MYO9A: variants seen among roughly 807,000 people sequenced by gnomAD.
MYO9A encodes the protein unconventional myosin-IXa.
Under a neutral mutation model 293.3 loss-of-function variants are expected in MYO9A, and 103 were observed. The ratio of observed to expected loss-of-function variants is 0.35; its 90% CI spans 0.30 to 0.41. The LOEUF (loss-of-function observed/expected upper bound fraction) is 0.41, where lower values mean the gene tolerates loss of function less well. Among genes scored for constraint, MYO9A ranks in the 10% least tolerant of loss-of-function variants. The probability of loss-of-function intolerance (pLI) is 1.00; values close to 1 mark genes in which losing one functional copy is unlikely to be tolerated. For synonymous variants in MYO9A, 1,001 were observed against 1,035.7 expected (o/e 0.97, Z 0.64); for missense variants, 2,685 against 3,033.0 (o/e 0.89, Z 2.69).
chr15:71,887,375 G>C (rs1193963911), intron 27 of MYO9A, among the ~76,000 whole-genome samples: 1 of 152,078 alleles, frequency 6.6e-6, no homozygotes, highest in East Asian at 1.9e-4. Flanking sequence ...ATGCAGAAAA[G>C]CTCTCTACCC....
At chr15:71,850,301 A>C (rs191096814) in intron 37 of MYO9A, 134 bp from the exon 38 acceptor site, 1 of 1,029,382 alleles carries the variant, frequency 9.7e-7, no homozygotes, top group Non-Finnish European at 1.4e-6. Flanking sequence ...ATATCCATTA[A>C]GTTTAAGGGT....
At chr15:71,984,544 G>A (rs888954682) in intron 11 of MYO9A, among the ~76,000 whole-genome samples, 72 of 152,050 alleles carry the variant, frequency 4.7e-4, no homozygotes, top group African/African-American at 1.6e-3. Context: ...CTTATTCTAC[G>A]TCTCTCATAC....
Position 71,851,172 on chromosome 15 carries a change from T to C in MYO9A, c.6581+81A>G. The C allele has an allele frequency of 4.5e-6, 5 of 1,121,938 alleles. No individual in the cohort carries two copies. The East Asian group carries it at 9.7e-5, about 22-fold the overall frequency. The allele number at this position is 1,121,938 out of a possible 1,614,324, so 69.5% of individuals were successfully genotyped here. ...AGAAAAAATAAATACCTGTCAGTCT[T>C]CCAAATGGAGAAATTCCTTATCTAT... On this transcript the variant is annotated intron_variant, in intron 37 of 41. Coordinates refer to ENST00000356056, the MANE Select transcript of MYO9A (RefSeq NM_006901.4).
intron 39 of MYO9A, among the ~76,000 whole-genome samples, chr15:71,839,815 CTTTA>C (rs1316871494): frequency 2.0e-5 from 3 of 152,064 alleles, no homozygotes; most frequent in Non-Finnish European, 4.4e-5. Context: ...CATTATAATC[CTTTA>C]TTTTTCTCTT....
chr15:71,835,300 A>G (rs1434102186), intron 39 of MYO9A, among the ~76,000 whole-genome samples: 2 of 152,164 alleles, frequency 1.3e-5, no homozygotes, highest in African/African-American at 4.8e-5. Flanking sequence ...TCTAACTTAC[A>G]TAAGAAAAAG....
At chr15:72,023,064 ACGCTATCT>A (rs1249695325) in intron 4 of MYO9A, among the ~76,000 whole-genome samples, 5 of 152,324 alleles carry the variant, frequency 3.3e-5, no homozygotes, top group Non-Finnish European at 7.3e-5. Context: ...AACTATGAGA[ACGCTATCT>A]CACCAAATAG....
At chr15:71,862,387 T>G in intron 33 of MYO9A, 113 bp downstream of exon 33, 1 of 773,690 alleles carries the variant, frequency 1.3e-6, no homozygotes, top group Admixed American at 2.4e-5. Flanking sequence ...GAGATGAGGT[T>G]AAAAATTTAG....
intron 39 of MYO9A, among the ~76,000 whole-genome samples, chr15:71,830,708 T>C (rs377686901): frequency 3.3e-5 from 5 of 152,334 alleles, no homozygotes; most frequent in South Asian, 4.1e-4. Context: ...TAGCCACAAG[T>C]AGCTTGTGAC....
Position 71,916,505 on chromosome 15 carries a change from A to G in MYO9A, c.2563-13T>C. 1 of 1,587,820 alleles carries G rather than the reference A, an allele frequency of 6.3e-7. No individual in the cohort carries two copies. The highest frequency in any genetic ancestry group is 8.5e-7 in the Non-Finnish European group (1 of 1,173,578). On this transcript the variant is annotated splice_polypyrimidine_tract_variant and intron_variant, in intron 18 of 41. Transcript: ENST00000356056. Reference sequence around the variant, plus strand: ...CTTCTAGCAAGTGCTGAAAGAAGAGAAAAAATAAATTGCTCACATAAATTA... The same window carrying G: ...CTTCTAGCAAGTGCTGAAAGAAGAGGAAAAATAAATTGCTCACATAAATTA...
chr15:72,055,394 C>T (rs1054911062), intron 1 of MYO9A, among the ~76,000 whole-genome samples: 3 of 152,210 alleles, frequency 2.0e-5, no homozygotes, highest in East Asian at 3.9e-4. Flanking sequence ...GTCAGAAAAA[C>T]CCTCCCAGGC....
chr15:72,092,027 T>C (rs952595410), intron 1 of MYO9A, among the ~76,000 whole-genome samples: 4 of 152,216 alleles, frequency 2.6e-5, no homozygotes, highest in African/African-American at 2.4e-5. Context: ...AAAATATATA[T>C]TCTTAAAAGC....
At chr15:71,878,012 TTAAG>T (rs1472773216) in intron 31 of MYO9A, 24 bp downstream of exon 31, 3 of 1,533,146 alleles carry the variant, frequency 2.0e-6, no homozygotes, top group Admixed American at 2.2e-5. Context: ...ATTAAATCCT[TTAAG>T]TAATCAAAAT....
chr15:72,030,897 C>T (rs988420910), intron 3 of MYO9A, among the ~76,000 whole-genome samples: 1 of 152,144 alleles, frequency 6.6e-6, no homozygotes, highest in African/African-American at 2.4e-5. Flanking sequence ...CCCCAACCCC[C>T]AGGGCATGGA....
intron 1 of MYO9A, among the ~76,000 whole-genome samples, chr15:72,102,420 T>G (rs962630918): frequency 5.2e-4 from 76 of 146,872 alleles, no homozygotes; most frequent in Non-Finnish European, 9.3e-4. Context: ...TGACCTTCCC[T>G]CCACTATTGT....
At chr15:71,970,096 T>C (rs994840393) in intron 12 of MYO9A, among the ~76,000 whole-genome samples, 28 of 152,228 alleles carry the variant, frequency 1.8e-4, no homozygotes, top group Admixed American at 1.0e-3. Flanking sequence ...CTTCGGTTGT[T>C]AAAATGTAGA....
chr15:71,927,483 C>G (rs184451896), intron 18 of MYO9A, among the ~76,000 whole-genome samples: 67 of 152,284 alleles, frequency 4.4e-4, no homozygotes, highest in Admixed American at 3.3e-3. Context: ...AATTGTCCCT[C>G]AATATCCATG....
intron 32 of MYO9A, among the ~76,000 whole-genome samples, chr15:71,872,820 ATAG>A (rs769891398): frequency 1.3e-5 from 2 of 152,178 alleles, no homozygotes; most frequent in African/African-American, 2.4e-5. Flanking sequence ...ACATATGCAA[ATAG>A]TAGCTTTCTA....
chr15:72,064,915 G>A (rs750809927), intron 1 of MYO9A, among the ~76,000 whole-genome samples: 1 of 152,238 alleles, frequency 6.6e-6, no homozygotes, highest in South Asian at 2.1e-4. Context: ...CAATCTTAAA[G>A]AATAACAAAG....
chr15:71,942,862 C>A (rs896511792), intron 15 of MYO9A, among the ~76,000 whole-genome samples: 6 of 152,056 alleles, frequency 3.9e-5, no homozygotes, highest in East Asian at 3.9e-4. Flanking sequence ...TTACCAAGTT[C>A]TTTATTAAAT....
Sources: gnomAD v4.1 joint callset for allele counts (sites outside exome capture counted in the v4.1 genomes callset) on GRCh38, gnomAD v4.1.1 for gene constraint, MANE v1.5 for transcripts, NCBI Gene and HGNC (gene_info 2026-07-23, HGNC 2026-07-21) for gene names.